Variants in PTPRO observed in about 807,000 individuals in gnomAD.
PTPRO encodes protein tyrosine phosphatase receptor type O.
A neutral mutation model predicts 145.2 loss-of-function variants in PTPRO; 62 were observed. That is an observed-to-expected ratio of 0.43 (90% CI 0.35 to 0.53). The LOEUF (loss-of-function observed/expected upper bound fraction) is 0.53, where lower values mean the gene tolerates loss of function less well. Among genes scored for constraint, PTPRO ranks in the 20% least tolerant of loss-of-function variants. The probability of loss-of-function intolerance (pLI) is 0.01; values close to 1 mark genes in which losing one functional copy is unlikely to be tolerated. For missense variants in PTPRO, 1,345 were observed against 1,482.7 expected, an observed-to-expected ratio of 0.91 and a Z score of 1.53; for synonymous variants, 565 against 514.7, an observed-to-expected ratio of 1.10 and a Z score of -1.32.
intron 1 of PTPRO, among the ~76,000 whole-genome samples, chr12:15,345,230 T>C (rs905693636): frequency 3.3e-5 from 5 of 152,174 alleles, no homozygotes; most frequent in African/African-American, 1.2e-4. Flanking sequence ...TACTATACAA[T>C]ACAAAACTGA....
intron 1 of PTPRO, among the ~76,000 whole-genome samples, chr12:15,423,782 C>T (rs1360376303): frequency 1.3e-5 from 2 of 152,160 alleles, no homozygotes; most frequent in East Asian, 1.9e-4. Context: ...CATTCCTAGC[C>T]ATCGCTTTTG....
intron 1 of PTPRO, chr12:15,440,303 T>G (rs1439711110): frequency 7.5e-6 from 4 of 531,910 alleles, no homozygotes; most frequent in Admixed American, 2.9e-5. Context: ...GGAGACTGTA[T>G]TCACCATGTC....
chr12:15,595,528 T>A (rs1350764594), intron 26 of PTPRO: 1 of 169,218 alleles, frequency 5.9e-6, no homozygotes, highest in Non-Finnish European at 1.3e-5. Context: ...AGTCTGAAAA[T>A]ACCTTGGTCT....
intron 1 of PTPRO, among the ~76,000 whole-genome samples, chr12:15,373,320 G>T (rs1938586915): frequency 6.6e-6 from 1 of 152,150 alleles, no homozygotes; most frequent in Non-Finnish European, 1.5e-5. Flanking sequence ...AAAGCAATTT[G>T]GGTGCTAAGA....
intron 2 of PTPRO, 63 bp downstream of exon 2, chr12:15,484,310 G>T: frequency 6.3e-7 from 1 of 1,591,296 alleles, no homozygotes; most frequent in Non-Finnish European, 8.6e-7. Context: ...TTCCCGTAGG[G>T]CTCGAATTGA....
At chr12:15,538,556 C>T (rs1001789363) in intron 12 of PTPRO, among the ~76,000 whole-genome samples, 4 of 152,118 alleles carry the variant, frequency 2.6e-5, no homozygotes, top group African/African-American at 9.7e-5. Context: ...ATTTCTCCTG[C>T]CCATCATAAG....
intron 1 of PTPRO, among the ~76,000 whole-genome samples, chr12:15,480,228 C>G (rs1288456872): frequency 6.6e-6 from 1 of 151,972 alleles, no homozygotes; most frequent in Admixed American, 6.6e-5. Flanking sequence ...GTAATAATAC[C>G]TGATTTAAAG....
intron 18 of PTPRO, 51 bp downstream of exon 18, chr12:15,565,679 T>G (rs923104063): frequency 7.9e-7 from 1 of 1,262,952 alleles, no homozygotes; most frequent in Non-Finnish European, 1.1e-6. Flanking sequence ...ATAATAATCT[T>G]AACGTTCCAA....
chr12:15,501,022 C>G (rs1241406823), intron 4 of PTPRO, among the ~76,000 whole-genome samples: 2 of 152,182 alleles, frequency 1.3e-5, no homozygotes, highest in Non-Finnish European at 2.9e-5. Flanking sequence ...CGCAGTGCGT[C>G]TTCATAATTT....
chr12:15,541,197 G>C (rs1943173425), intron 12 of PTPRO, among the ~76,000 whole-genome samples: 1 of 152,088 alleles, frequency 6.6e-6, no homozygotes, highest in South Asian at 2.1e-4. Context: ...CATTTAGAGA[G>C]ATAAAAAGCA....
intron 12 of PTPRO, among the ~76,000 whole-genome samples, chr12:15,535,071 G>C (rs1943040217): frequency 1.3e-5 from 2 of 152,158 alleles, no homozygotes; most frequent in Admixed American, 1.3e-4. Context: ...CTTCACCCTT[G>C]AGCAACTAGG....
intron 1 of PTPRO, among the ~76,000 whole-genome samples, chr12:15,373,923 T>C (rs1433507849): frequency 6.6e-6 from 1 of 152,168 alleles, no homozygotes; most frequent in African/African-American, 2.4e-5. Context: ...CTCACAAATG[T>C]ATATTTTGCG....
intron 1 of PTPRO, among the ~76,000 whole-genome samples, chr12:15,389,408 C>T (rs543354143): frequency 6.6e-6 from 1 of 152,152 alleles, no homozygotes; most frequent in South Asian, 2.1e-4. Flanking sequence ...CACCTGGCCT[C>T]TCCAGGGAAT....
chr12:15,519,151 A>G (rs1942660544), intron 9 of PTPRO, among the ~76,000 whole-genome samples: 1 of 152,222 alleles, frequency 6.6e-6, no homozygotes, highest in Non-Finnish European at 1.5e-5. Flanking sequence ...AAAGAGGAGC[A>G]AGCCATGTCT....
rs971099714 is a variant in PTPRO, at chr12:15,476,205, T to A, written c.76-7769T>A. Among the ~76,000 whole-genome samples the A allele has an allele frequency of 9.9e-5, 15 of 152,244 alleles. No homozygotes were observed. The Middle Eastern group carries it at 0.01, about 104-fold the overall frequency. The stretch of plus-strand genomic sequence containing the variant: ...AAGAAGTATTTCAATGCTGATGAAT[T>A]TTCCTTAAGAGGAAGGGAAGATGAT... On this transcript the variant is annotated intron_variant, in intron 1 of 26. Transcript: ENST00000281171.
At chr12:15,433,808 C>A (rs1436741928) in intron 1 of PTPRO, among the ~76,000 whole-genome samples, 1 of 152,102 alleles carries the variant, frequency 6.6e-6, no homozygotes, top group African/African-American at 2.4e-5. Flanking sequence ...CAGCTTTGTT[C>A]TTTTTGCTTA....
intron 2 of PTPRO, among the ~76,000 whole-genome samples, chr12:15,495,651 A>G (rs919755883): frequency 2.6e-5 from 4 of 152,042 alleles, no homozygotes; most frequent in Admixed American, 6.6e-5. Context: ...GACCACCTGG[A>G]AACACCAACT....
chr12:15,342,872 G>A (rs1427484979), intron 1 of PTPRO, among the ~76,000 whole-genome samples: 1 of 152,120 alleles, frequency 6.6e-6, no homozygotes, highest in African/African-American at 2.4e-5. Context: ...GGGCCGATAG[G>A]TTTCTGGAAT....
intron 1 of PTPRO, among the ~76,000 whole-genome samples, chr12:15,330,503 C>A (rs987365280): frequency 6.6e-6 from 1 of 152,180 alleles, no homozygotes; most frequent in African/African-American, 2.4e-5. Context: ...CAGGAAGTGT[C>A]CCTCTATGGA....
Sources: gnomAD v4.1 joint callset for allele counts (sites outside exome capture counted in the v4.1 genomes callset) on GRCh38, gnomAD v4.1.1 for gene constraint, MANE v1.5 for transcripts, NCBI Gene and HGNC (gene_info 2026-07-23, HGNC 2026-07-21) for gene names.